Variants in CRY1 observed in about 807,000 individuals in gnomAD.
CRY1 encodes the protein cryptochrome-1.
Under a neutral mutation model 76.0 loss-of-function variants are expected in CRY1, and 45 were observed. That is an observed-to-expected ratio of 0.59 (90% confidence interval 0.47 to 0.76). CRY1 has a LOEUF of 0.76. Ranked by LOEUF, CRY1 falls within the 30% of genes least tolerant of loss-of-function variation. The pLI, the probability that CRY1 is intolerant of heterozygous loss-of-function variation, is 0.00. For synonymous variants in CRY1, 248 were observed against 244.0 expected (o/e 1.02, Z -0.15); for missense variants, 587 against 716.4 (o/e 0.82, Z 2.06).
intron 1 of CRY1, among the ~76,000 whole-genome samples, chr12:107,045,314 C>G (rs578075618): frequency 1.3e-5 from 2 of 152,124 alleles, no homozygotes; most frequent in African/African-American, 4.8e-5. Context: ...AAATCTTTCC[C>G]AGACAAGCAA....
At chr12:107,008,026 T>C (rs1952395563) in intron 2 of CRY1, among the ~76,000 whole-genome samples, 1 of 152,196 alleles carries the variant, frequency 6.6e-6, no homozygotes, top group African/African-American at 2.4e-5. Context: ...GCAGGTAAAC[T>C]TGCTAATACT....
chr12:107,054,587 C>T (rs12315277), intron 1 of CRY1, among the ~76,000 whole-genome samples: 6,582 of 146,618 alleles, frequency 0.045, 270 homozygotes, highest in African/African-American at 0.11. Context: ...AACTATCAGA[C>T]TAAATAAACA....
At chr12:107,064,420 G>T (rs1397159103) in intron 1 of CRY1, among the ~76,000 whole-genome samples, 1 of 152,110 alleles carries the variant, frequency 6.6e-6, no homozygotes, top group African/African-American at 2.4e-5. Context: ...TATTAGAATG[G>T]GAAAGAACAA....
chr12:107,078,235 T>A (rs531197924), intron 1 of CRY1, among the ~76,000 whole-genome samples: 1 of 152,280 alleles, frequency 6.6e-6, no homozygotes, highest in South Asian at 2.1e-4. Context: ...AATACAAAGA[T>A]GCATATCCCT....
At chr12:107,036,978 T>C (rs1356551824) in intron 1 of CRY1, among the ~76,000 whole-genome samples, 1 of 152,130 alleles carries the variant, frequency 6.6e-6, no homozygotes, top group Non-Finnish European at 1.5e-5. Context: ...ATAATTTATT[T>C]ATGTGTTAAT....
chr12:106,995,086 T>G (rs1405961976), intron 10 of CRY1, among the ~76,000 whole-genome samples: 2 of 152,228 alleles, frequency 1.3e-5, no homozygotes, highest in African/African-American at 4.8e-5. Flanking sequence ...CTAGTCAGAC[T>G]TGGATCTGAA....
At chr12:107,022,587 C>T (rs1299733840) in intron 1 of CRY1, among the ~76,000 whole-genome samples, 1 of 151,118 alleles carries the variant, frequency 6.6e-6, no homozygotes, top group Non-Finnish European at 1.5e-5. Context: ...ATATCTTCTG[C>T]TGGGGGGAAA....
At chr12:107,078,428 A>T (rs10778526) in intron 1 of CRY1, among the ~76,000 whole-genome samples, 76,714 of 151,892 alleles carry the variant, frequency 0.51, 20,307 homozygotes, top group East Asian at 0.72. Context: ...CAGTTTCCAT[A>T]ATATGGCACT....
intron 12 of CRY1, 155 bp downstream of exon 12, chr12:106,992,632 C>T: frequency 1.5e-6 from 1 of 652,730 alleles, no homozygotes; most frequent in East Asian, 2.8e-5. Flanking sequence ...TGTCTCTTGA[C>T]CAAAAATTAA....
At chr12:106,997,830 G>T in intron 8 of CRY1, 85 bp downstream of exon 8, 1 of 1,549,012 alleles carries the variant, frequency 6.5e-7, no homozygotes. Context: ...ATCATGAGTG[G>T]GGAATACTTT....
At chr12:107,030,077 T>C (rs1952659145) in intron 1 of CRY1, among the ~76,000 whole-genome samples, 1 of 152,144 alleles carries the variant, frequency 6.6e-6, no homozygotes, top group South Asian at 2.1e-4. Context: ...TGTTCACCAC[T>C]TCCCACTGTC....
At chr12:107,023,491 T>C (rs1463808365) in intron 1 of CRY1, among the ~76,000 whole-genome samples, 1 of 152,194 alleles carries the variant, frequency 6.6e-6, no homozygotes, top group African/African-American at 2.4e-5. Context: ...AGCTGCTTGG[T>C]CTAGATCATT....
intron 2 of CRY1, among the ~76,000 whole-genome samples, chr12:107,010,869 C>G (rs150543198): frequency 6.6e-6 from 1 of 152,154 alleles, no homozygotes; most frequent in African/African-American, 2.4e-5. Context: ...GCCTTTCCCC[C>G]ATCTCTTTCA....
chr12:107,012,397 A>C (rs1449192559), intron 2 of CRY1, among the ~76,000 whole-genome samples: 1 of 152,240 alleles, frequency 6.6e-6, no homozygotes, highest in African/African-American at 2.4e-5. Flanking sequence ...ATGACAGCAC[A>C]TGTGTTTACA....
intron 1 of CRY1, among the ~76,000 whole-genome samples, chr12:107,023,598 G>A (rs901728631): frequency 6.6e-6 from 1 of 152,168 alleles, no homozygotes; most frequent in Non-Finnish European, 1.5e-5. Flanking sequence ...GCACTAGTCA[G>A]GTCTGACACT....
chr12:107,003,311 T>C (rs1566242914), intron 3 of CRY1, among the ~76,000 whole-genome samples: 2 of 152,220 alleles, frequency 1.3e-5, no homozygotes, highest in African/African-American at 2.4e-5. Flanking sequence ...AGACACTCTT[T>C]TGGAATAACT....
intron 2 of CRY1, among the ~76,000 whole-genome samples, chr12:107,006,031 C>G (rs1952370257): frequency 6.6e-6 from 1 of 151,974 alleles, no homozygotes; most frequent in Admixed American, 6.6e-5. Flanking sequence ...TGGTAACATA[C>G]TATAATTCAC....
chr12:107,073,633 G>T (rs1953217670), intron 1 of CRY1, among the ~76,000 whole-genome samples: 1 of 152,090 alleles, frequency 6.6e-6, no homozygotes, highest in Non-Finnish European at 1.5e-5. Context: ...GGAGGCTGAG[G>T]CAGAAGAATT....
chr12:107,092,251 T>C (rs927113072), intron 1 of CRY1, among the ~76,000 whole-genome samples: 5 of 152,180 alleles, frequency 3.3e-5, no homozygotes, highest in African/African-American at 1.2e-4. Flanking sequence ...AAACTGTGCT[T>C]TGTCTCGGCA....
Sources: gnomAD v4.1 joint callset for allele counts (sites outside exome capture counted in the v4.1 genomes callset) on GRCh38, gnomAD v4.1.1 for gene constraint, MANE v1.5 for transcripts, NCBI Gene and HGNC (gene_info 2026-07-23, HGNC 2026-07-21) for gene names.